The following MDGA2 variants were observed in gnomAD, a reference collection of about 807,000 sequenced individuals.
The protein encoded by MDGA2 is MAM domain containing glycosylphosphatidylinositol anchor 2, also known as MAM domain-containing glycosylphosphatidylinositol anchor protein 2.
A neutral mutation model predicts 117.8 loss-of-function variants in MDGA2; 40 were observed. That is an observed-to-expected ratio of 0.34 (90% confidence interval 0.26 to 0.44). The LOEUF (loss-of-function observed/expected upper bound fraction) is 0.44. Ranked by LOEUF, MDGA2 falls within the 20% of genes least tolerant of loss-of-function variation. The pLI is 1.00. For synonymous variants in MDGA2, 452 were observed against 439.0 expected, an observed-to-expected ratio of 1.03 and a Z score of -0.37; for missense variants, 1,123 against 1,250.6, an observed-to-expected ratio of 0.90 and a Z score of 1.54.
chr14:46,971,674 T>C (rs1348551904), intron 8 of MDGA2, among the ~76,000 whole-genome samples: 1 of 152,002 alleles, frequency 6.6e-6, no homozygotes, highest in Non-Finnish European at 1.5e-5. Context: ...TTAGCAACAA[T>C]GTATTATATA....
rs77542214 is a variant in MDGA2 at position 47,259,548 on chromosome 14, A to G, written c.421-41353T>C. On this transcript the variant is annotated intron_variant, in intron 2 of 16. Transcript: ENST00000399232. The stretch of plus-strand genomic sequence containing the variant: ...AAGAAACCTGTTTGGCTTGTTTAAC[A>G]CAGGCTTTCTAAATCAAATTTGAAC... Among the ~76,000 whole-genome samples, 165 of 152,234 alleles carry G rather than the reference A, an allele frequency of 1.1e-3. No individual in the cohort carries two copies. The East Asian group carries it at 0.016, about 15-fold the overall frequency.
intron 1 of MDGA2, among the ~76,000 whole-genome samples, chr14:47,575,154 C>T (rs763992692): frequency 1.3e-5 from 2 of 152,000 alleles, no homozygotes; most frequent in African/African-American, 2.4e-5. Flanking sequence ...TTTTACAAAA[C>T]GCAATCAATA....
At chr14:47,627,196 C>G (rs1897161659) in intron 1 of MDGA2, among the ~76,000 whole-genome samples, 2 of 151,638 alleles carry the variant, frequency 1.3e-5, no homozygotes, top group Admixed American at 1.3e-4. Context: ...AATCAGCACC[C>G]CGTGCCTAGC....
At chr14:47,407,594 T>C (rs1892283962) in intron 1 of MDGA2, among the ~76,000 whole-genome samples, 1 of 152,168 alleles carries the variant, frequency 6.6e-6, no homozygotes. Context: ...TCTCATATTG[T>C]GTATTCTTAG....
At chr14:46,947,274 T>C (rs916814427) in intron 9 of MDGA2, among the ~76,000 whole-genome samples, 2 of 152,158 alleles carry the variant, frequency 1.3e-5, no homozygotes, top group East Asian at 1.9e-4. Context: ...GCATGTCAAG[T>C]TGCACAAAGT....
chr14:46,841,607 C>CTTTTTTTTTTTTTTTTTTTTT lies in MDGA2; in HGVS notation c.*323_*324insAAAAAAAAAAAAAAAAAAAAA, dbSNP rs66690712. The CTTTTTTTTTTTTTTTTTTTTT allele has an allele frequency of 6.8e-6, 1 of 146,480 alleles. No homozygotes were observed. The allele number at this position is 146,480 out of a possible 1,614,324, so 9.1% of individuals were successfully genotyped here. On this transcript the variant is annotated 3_prime_UTR_variant, in exon 17 of 17. Transcript: ENST00000399232. Reference sequence around the variant, plus strand: ...TGCTTTGACAAGGATTTCTATAGCTCTTTTTTTTTTCTTTTTTTCATTTTT... The same window carrying CTTTTTTTTTTTTTTTTTTTTT: ...TGCTTTGACAAGGATTTCTATAGCTCTTTTTTTTTTTTTTTTTTTTTTTTTTTTTTTCTTTTTTTCATTTTT...
chr14:47,584,822 C>T (rs1896294542), intron 1 of MDGA2, among the ~76,000 whole-genome samples: 1 of 151,740 alleles, frequency 6.6e-6, no homozygotes, highest in Non-Finnish European at 1.5e-5. Flanking sequence ...ACAACTCAGC[C>T]AAGCTGTTAC....
intron 5 of MDGA2, among the ~76,000 whole-genome samples, chr14:47,105,666 G>T (rs914064180): frequency 2.6e-5 from 4 of 151,138 alleles, no homozygotes; most frequent in Non-Finnish European, 4.4e-5. Context: ...ACGGTCTGAG[G>T]TGCCTGACGT....
intron 7 of MDGA2, among the ~76,000 whole-genome samples, chr14:47,039,851 TA>T (rs2138670730): frequency 6.6e-6 from 1 of 152,266 alleles, no homozygotes; most frequent in East Asian, 1.9e-4. Context: ...CTGTTCAGTA[TA>T]AACAGTTGTA....
intron 1 of MDGA2, among the ~76,000 whole-genome samples, chr14:47,537,857 G>A (rs1267121953): frequency 1.3e-5 from 2 of 152,124 alleles, no homozygotes; most frequent in African/African-American, 2.4e-5. Flanking sequence ...ATGAATTAAA[G>A]CAACTGGATG....
At position 47,260,547 on chromosome 14, in the gene MDGA2, T is replaced by A. The variant is rs370542489; in HGVS notation, c.420+40864A>T. Among the ~76,000 whole-genome samples, 29 of 152,210 alleles carry A rather than the reference T, an allele frequency of 1.9e-4. No homozygotes were observed. In the South Asian group the frequency reaches 2.9e-3, roughly 15 times the overall value. Reference sequence around the variant, plus strand: ...CTCTTCTCAGTACCCACAGTGTAATTTTTAAAGGTTTAGAAACATCATAGA... The same window carrying A: ...CTCTTCTCAGTACCCACAGTGTAATATTTAAAGGTTTAGAAACATCATAGA... On this transcript the variant is annotated intron_variant, in intron 2 of 16. Transcript: ENST00000399232.
At chr14:47,049,727 A>G (rs940272250) in intron 7 of MDGA2, among the ~76,000 whole-genome samples, 5 of 151,928 alleles carry the variant, frequency 3.3e-5, no homozygotes, top group African/African-American at 1.2e-4. Flanking sequence ...TTCCTTTCAT[A>G]TTCTGCATAG....
At chr14:47,604,290 C>T (rs1334763142) in intron 1 of MDGA2, among the ~76,000 whole-genome samples, 1 of 151,896 alleles carries the variant, frequency 6.6e-6, no homozygotes, top group Non-Finnish European at 1.5e-5. Context: ...CCACTCTCAT[C>T]CCATGTTTAT....
chr14:47,390,151 G>A (rs1454539819), intron 1 of MDGA2, among the ~76,000 whole-genome samples: 4 of 152,106 alleles, frequency 2.6e-5, no homozygotes, highest in African/African-American at 9.7e-5. Context: ...TAAATATGAG[G>A]CTTAATTCTC....
At chr14:47,313,363 C>T (rs1208767388) in intron 1 of MDGA2, among the ~76,000 whole-genome samples, 1 of 152,108 alleles carries the variant, frequency 6.6e-6, no homozygotes, top group Non-Finnish European at 1.5e-5. Flanking sequence ...GACTTAACCT[C>T]CCAGGCTCAA....
chr14:47,441,721 T>A (rs564821800), intron 1 of MDGA2, among the ~76,000 whole-genome samples: 50 of 152,276 alleles, frequency 3.3e-4, no homozygotes, highest in African/African-American at 1.2e-3. Context: ...ATATACTTGG[T>A]AGATAAACTA....
intron 3 of MDGA2, among the ~76,000 whole-genome samples, chr14:47,213,526 CTG>C (rs1476227812): frequency 6.6e-6 from 1 of 152,010 alleles, no homozygotes; most frequent in East Asian, 1.9e-4. Context: ...GTCATTTTGA[CTG>C]TTTGGAACTC....
intron 3 of MDGA2, among the ~76,000 whole-genome samples, chr14:47,173,193 G>A (rs986554102): frequency 1.3e-5 from 2 of 152,128 alleles, no homozygotes; most frequent in East Asian, 3.9e-4. Flanking sequence ...TGAAAGTGAC[G>A]GGGAGAATGG....
At chr14:47,026,322 T>C (rs1208825227) in intron 8 of MDGA2, among the ~76,000 whole-genome samples, 1 of 152,178 alleles carries the variant, frequency 6.6e-6, no homozygotes, top group Non-Finnish European at 1.5e-5. Flanking sequence ...GGCTTTATCA[T>C]GCATTAATTA....
Sources: gnomAD v4.1 joint callset for allele counts (sites outside exome capture counted in the v4.1 genomes callset) on GRCh38, gnomAD v4.1.1 for gene constraint, MANE v1.5 for transcripts, NCBI Gene and HGNC (gene_info 2026-07-23, HGNC 2026-07-21) for gene names.